PRDM16: variants seen among roughly 807,000 people sequenced by gnomAD.
PRDM16 encodes the protein histone-lysine N-methyltransferase PRDM16.
A neutral mutation model predicts 110.6 loss-of-function variants in PRDM16; 23 were observed. The ratio of observed to expected loss-of-function variants is 0.21; its 90% CI spans 0.15 to 0.29. The LOEUF (loss-of-function observed/expected upper bound fraction) is 0.29. PRDM16 is among the 10% of genes least tolerant of loss of function. PRDM16 has a pLI of 1.00. For synonymous variants in PRDM16, 799 were observed against 781.8 expected, an observed-to-expected ratio of 1.02 and a Z score of -0.37; for missense variants, 1,615 against 1,794.3, an observed-to-expected ratio of 0.90 and a Z score of 1.81.
In PRDM16 at chr1:3,370,238, A is replaced by G. The variant is rs922283853; in HGVS notation, c.439-14914A>G. 4.6e-5 allele frequency among the ~76,000 whole-genome samples: 7 copies of G among 152,046 alleles called. No homozygotes were observed. The highest frequency in any genetic ancestry group is 1.7e-4 in the African/African-American group (7 of 41,380). On this transcript the variant is annotated intron_variant, in intron 3 of 16. Coordinates refer to ENST00000270722, the MANE Select transcript of PRDM16 (RefSeq NM_022114.4). This position sits in a 1 kb window ranked among gnomAD's most constrained non-coding sequence, Gnocchi z 4.8. Reference sequence around the variant, plus strand: ...CCTAGGGGAAAATTGCAACCATAACACTTTCCAGAGGACAATGATCTGGAA... The same window carrying G: ...CCTAGGGGAAAATTGCAACCATAACGCTTTCCAGAGGACAATGATCTGGAA...
At chr1:3,134,093 C>T (rs1214695956) in intron 1 of PRDM16, among the ~76,000 whole-genome samples, 2 of 152,198 alleles carry the variant, frequency 1.3e-5, no homozygotes. Context: ...GGTTCAGAAC[C>T]GTCCAGCTGT....
At chr1:3,349,206 G>A (rs1013167084) in intron 3 of PRDM16, among the ~76,000 whole-genome samples, 3 of 152,200 alleles carry the variant, frequency 2.0e-5, no homozygotes, top group Non-Finnish European at 2.9e-5. Context: ...CTGTCTGGGC[G>A]CAGCATTCCT....
At chr1:3,303,459 C>T (rs76611986) in intron 3 of PRDM16, among the ~76,000 whole-genome samples, 23,066 of 152,148 alleles carry the variant, frequency 0.15, 2,202 homozygotes, top group East Asian at 0.32. Flanking sequence ...TTTCTGTCTG[C>T]GTCCAAATGT....
In PRDM16 at chr1:3,178,939, C is replaced by T. The variant is rs374909063; in HGVS notation, c.38-7186C>T. 4.6e-5 allele frequency among the ~76,000 whole-genome samples: 7 copies of T among 152,316 alleles called. No homozygotes were observed. In the East Asian group the frequency reaches 5.8e-4, roughly 13 times the overall value. ...GCCGGGTCCACCCAACCTCTAAAAC[C>T]TTCCGGTCCCACCTCGCTCCAAACA... is the stretch of plus-strand genomic sequence containing the variant. On this transcript the variant is annotated intron_variant, in intron 1 of 16. Transcript: ENST00000270722.
In PRDM16 at chr1:3,181,617, C is replaced by CGGTCTTACATAT. The variant is rs1557509748; in HGVS notation, c.38-4499_38-4498insTATGGTCTTACA. On this transcript the variant is annotated intron_variant, in intron 1 of 16. Coordinates refer to ENST00000270722, the MANE Select transcript of PRDM16 (RefSeq NM_022114.4). ...GGTCTTACACATGCAGTCTTACACA[C>CGGTCTTACATAT]GGTCTTACACATGCAGTCTTACACA... 8.2e-4 allele frequency among the ~76,000 whole-genome samples: 117 copies of CGGTCTTACATAT among 143,418 alleles called. 2 individuals carry two copies. The highest frequency in any genetic ancestry group is 1.6e-3 in the African/African-American group (62 of 38,896). The allele number at this position is 143,418 out of a possible 152,430, so 94.1% of individuals were successfully genotyped here. A position where few individuals can be genotyped will look rare whatever the true frequency, so the allele number is the denominator to read the frequency against.
At chr1:3,141,317 C>T (rs1000921816) in intron 1 of PRDM16, among the ~76,000 whole-genome samples, 5 of 152,294 alleles carry the variant, frequency 3.3e-5, no homozygotes, top group Admixed American at 6.5e-5. Flanking sequence ...GCATCAATCT[C>T]GCTGGGCTGG....
intron 4 of PRDM16, among the ~76,000 whole-genome samples, chr1:3,392,498 G>C (rs1643315966): frequency 6.6e-6 from 1 of 152,208 alleles, no homozygotes; most frequent in Non-Finnish European, 1.5e-5. Flanking sequence ...ATTCCCACCT[G>C]GTGGAATTTG....
chr1:3,412,494 G>A lies in PRDM16; in HGVS notation c.2297G>A (p.Gly766Asp), dbSNP rs778681326. The change falls in exon 9 of 17, where the codon GGC becomes GAC. Residue 766 changes from glycine to aspartate, a missense_variant. By Grantham distance (94) the Gly-to-Asp change is moderately conservative. Around this residue, in one of 5 missense-constraint regions of PRDM16, gnomAD observed 772 missense variants for 748.3 expected, o/e 1.03. Coordinates refer to ENST00000270722, the MANE Select transcript of PRDM16 (RefSeq NM_022114.4). Reference protein sequence around the residue: ...KSPRDALKVGGPSAECPFDLT... With the variant: ...KSPRDALKVGDPSAECPFDLT... The stretch of plus-strand genomic sequence containing the variant: ...CCCCGGGACGCCCTCAAGGTGGGCG[G>A]CCCCAGTGCCGAGTGCCCCTTTGAT... The A allele has an allele frequency of 1.4e-5, 22 of 1,613,282 alleles. No individual in the cohort carries two copies. The highest frequency in any genetic ancestry group is 1.9e-5 in the Non-Finnish European group (22 of 1,179,996).
chr1:3,197,644 T>G (rs547993742), intron 2 of PRDM16, among the ~76,000 whole-genome samples: 6 of 152,288 alleles, frequency 3.9e-5, no homozygotes, highest in African/African-American at 1.2e-4. Flanking sequence ...GATCTTTTAA[T>G]TTTGAGTAAT....
intron 3 of PRDM16, among the ~76,000 whole-genome samples, chr1:3,341,565 A>G (rs1248732033): frequency 1.3e-5 from 2 of 152,230 alleles, no homozygotes; most frequent in Non-Finnish European, 2.9e-5. Flanking sequence ...ACACACACAC[A>G]CGCGTGCGCA....
chr1:3,069,722 C>A lies in PRDM16; in HGVS notation c.37+426C>A, dbSNP rs1255932342. On this transcript the variant is annotated intron_variant, in intron 1 of 16. Transcript: ENST00000270722. The surrounding 1 kb of genome is among the most constrained non-coding windows in gnomAD (Gnocchi z 6.1). Reference sequence around the variant, plus strand: ...CCCCGCTCGCTCTCTCCCTCTCTCTCTCCGAGTGGCTCTCAGTCCTGGTCA... The same window carrying A: ...CCCCGCTCGCTCTCTCCCTCTCTCTATCCGAGTGGCTCTCAGTCCTGGTCA... Among the ~76,000 whole-genome samples, 1 of 152,054 alleles carries A rather than the reference C, an allele frequency of 6.6e-6. No individual in the cohort carries two copies. The highest frequency in any genetic ancestry group is 1.5e-5 in the Non-Finnish European group (1 of 67,990).
intron 3 of PRDM16, among the ~76,000 whole-genome samples, chr1:3,318,046 C>G (rs777330497): frequency 6.6e-5 from 10 of 152,196 alleles, no homozygotes; most frequent in Non-Finnish European, 7.3e-5. Flanking sequence ...CGAGGCCTGT[C>G]CCCGGAGCAT....
rs967098389 is a variant in PRDM16 at position 3,201,619 on chromosome 1, G to C, written c.387+15145G>C. 6.6e-6 allele frequency among the ~76,000 whole-genome samples: 1 copy of C among 152,226 alleles called. No homozygotes were observed. The highest frequency in any genetic ancestry group is 1.5e-5 in the Non-Finnish European group (1 of 68,038). On this transcript the variant is annotated intron_variant, in intron 2 of 16. Coordinates refer to ENST00000270722, the MANE Select transcript of PRDM16 (RefSeq NM_022114.4). This position sits in a 1 kb window ranked among gnomAD's most constrained non-coding sequence, Gnocchi z 4.1. ...CCCCTGAGCATGGCCTCGGGGGCTGGGAGCCCCGGCTCTGACGTTTCTCCA... is the reference window on the plus strand; with the variant it reads ...CCCCTGAGCATGGCCTCGGGGGCTGCGAGCCCCGGCTCTGACGTTTCTCCA...
At chr1:3,292,956 G>A (rs563803653) in intron 3 of PRDM16, among the ~76,000 whole-genome samples, 7 of 152,238 alleles carry the variant, frequency 4.6e-5, no homozygotes, top group Non-Finnish European at 8.8e-5. Flanking sequence ...TGACCCTCAC[G>A]GAGGCACTCC....
At chr1:3,391,290 C>G (rs1429587123) in intron 4 of PRDM16, among the ~76,000 whole-genome samples, 1 of 152,140 alleles carries the variant, frequency 6.6e-6, no homozygotes, top group Non-Finnish European at 1.5e-5. Context: ...ACAAAAGACT[C>G]CAAAATACAT....
At chr1:3,098,959 G>A (rs2981870) in intron 1 of PRDM16, among the ~76,000 whole-genome samples, 23,878 of 152,230 alleles carry the variant, frequency 0.16, 2,031 homozygotes, top group East Asian at 0.27. Context: ...GTGGCTGAGC[G>A]GCCTCACTGA....
chr1:3,108,559 C>T (rs1437571931), intron 1 of PRDM16, among the ~76,000 whole-genome samples: 1 of 152,252 alleles, frequency 6.6e-6, no homozygotes, highest in Non-Finnish European at 1.5e-5. Context: ...CAGTGCCTGA[C>T]ACAGCTATTG....
At chr1:3,276,204 T>G (rs1640578640) in intron 3 of PRDM16, among the ~76,000 whole-genome samples, 1 of 152,256 alleles carries the variant, frequency 6.6e-6, no homozygotes, top group African/African-American at 2.4e-5. Flanking sequence ...AAAATGTCCT[T>G]GTGCGGGAGT....
chr1:3,262,472 T>C (rs548657945), intron 3 of PRDM16, among the ~76,000 whole-genome samples: 1 of 152,354 alleles, frequency 6.6e-6, no homozygotes, highest in Non-Finnish European at 1.5e-5. Context: ...TTCAAGAGCC[T>C]GGGATCCACA....
Sources: allele counts gnomAD v4.1 joint callset (sites outside exome capture counted in the v4.1 genomes callset), GRCh38; gene constraint gnomAD v4.1.1; regional missense constraint gnomAD v4.1.1; non-coding constraint Gnocchi (gnomAD v3.1); transcripts MANE v1.5; gene names NCBI Gene and HGNC (gene_info 2026-07-23, HGNC 2026-07-21).